Variants in UBE3A observed in about 807,000 individuals in gnomAD.
UBE3A encodes the protein ubiquitin-protein ligase E3A.
UBE3A carries 6 observed loss-of-function variants against 83.4 expected under a neutral mutation model. That is an observed-to-expected ratio of 0.07 (90% CI 0.04 to 0.14). The LOEUF (loss-of-function observed/expected upper bound fraction) is 0.14. Ranked by LOEUF, UBE3A falls within the 10% of genes least tolerant of loss-of-function variation. The probability of loss-of-function intolerance (pLI) is 1.00; values close to 1 mark genes in which losing one functional copy is unlikely to be tolerated. For synonymous variants in UBE3A, 337 were observed against 355.4 expected, an observed-to-expected ratio of 0.95 and a Z score of 0.58; for missense variants, 456 against 1,036.1, an observed-to-expected ratio of 0.44 and a Z score of 7.69.
In UBE3A at chr15:25,418,183, G is replaced by A. The variant is rs543108961; in HGVS notation, c.-164-6212C>T. ...AAAATATGGTGGTATAATCTTAAAT[G>A]ACTATTGTCAACTATGATCTCGTTG... On this transcript the variant is annotated intron_variant, in intron 1 of 12. Coordinates refer to ENST00000648336, the MANE Select transcript of UBE3A (RefSeq NM_130839.5). The A allele has an allele frequency of 5.3e-5, 8 of 152,250 alleles. No individual in the cohort carries two copies. The South Asian group carries it at 1.7e-3, about 32-fold the overall frequency. The allele number at this position is 152,250 out of a possible 1,614,324, so 9.4% of individuals were successfully genotyped here.
At chr15:25,403,748 T>C (rs942620956) in intron 4 of UBE3A, among the ~76,000 whole-genome samples, 2 of 152,114 alleles carry the variant, frequency 1.3e-5, no homozygotes, top group East Asian at 3.8e-4. Context: ...GGTATATACA[T>C]ACAATAAAAC....
chr15:25,419,638 C>T (rs1429610425), intron 1 of UBE3A, among the ~76,000 whole-genome samples: 1 of 151,946 alleles, frequency 6.6e-6, no homozygotes, highest in East Asian at 1.9e-4. Flanking sequence ...GAATGTTATT[C>T]TTAGTTTTTA....
chr15:25,431,715 A>G lies in UBE3A; in HGVS notation c.-165+6774T>C, dbSNP rs12439344. ...CAGAAAACTAGGAAAGAAAAATGTT[A>G]CCCAATTAATCTTTGTGTGAAACAG... On this transcript the variant is annotated intron_variant, in intron 1 of 12. Coordinates refer to ENST00000648336, the MANE Select transcript of UBE3A (RefSeq NM_130839.5). 9.1e-3 allele frequency among the ~76,000 whole-genome samples: 1,389 copies of G among 152,308 alleles called. 32 individuals carry two copies. Among genetic ancestry groups the G allele is most frequent in the Admixed American group, 0.041 (623 of 15,278 alleles).
At chr15:25,367,176 T>TTTGTAAATATGTAAATATTTACATAC in intron 6 of UBE3A, among the ~76,000 whole-genome samples, 1 of 95,394 alleles carries the variant, frequency 1.0e-5, no homozygotes, top group Admixed American at 8.7e-5. Flanking sequence ...TATTTACATA[T>TTTGTAAATATGTAAATATTTACATAC]TTGTAAATAT....
At chr15:25,373,989 AAC>A (rs2152837723) in intron 5 of UBE3A, 1 of 152,344 alleles carries the variant, frequency 6.6e-6, no homozygotes, top group South Asian at 2.1e-4. Context: ...CCTACGCAAA[AAC>A]AGTTTGGTGC....
At chr15:25,417,338 TACAAA>T (rs1887409697) in intron 1 of UBE3A, among the ~76,000 whole-genome samples, 4 of 152,152 alleles carry the variant, frequency 2.6e-5, no homozygotes, top group South Asian at 4.1e-4. Context: ...TTTAGGTGGC[TACAAA>T]ACAAAACACT....
intron 4 of UBE3A, among the ~76,000 whole-genome samples, chr15:25,402,245 G>A (rs1171739675): frequency 6.6e-6 from 1 of 152,276 alleles, no homozygotes; most frequent in South Asian, 2.1e-4. Context: ...TGAGTCTACC[G>A]GGGCTGGCCT....
intron 1 of UBE3A, among the ~76,000 whole-genome samples, chr15:25,414,097 C>G (rs1483009678): frequency 6.6e-6 from 1 of 152,120 alleles, no homozygotes; most frequent in African/African-American, 2.4e-5. Flanking sequence ...TACATATTAC[C>G]AACGGTACAC....
rs1357186403 is a variant in UBE3A at position 25,347,844 on chromosome 15, T to C, written c.2354+6509A>G. Among the ~76,000 whole-genome samples, 9 of 151,660 alleles carry C rather than the reference T, an allele frequency of 5.9e-5. No homozygotes were observed. In the Middle Eastern group the frequency reaches 0.01, roughly 172 times the overall value. ...GAAGACAGAAACAGAAAACAAATAA[T>C]AAAATGGCAGACCTCTCCCTAACAT... On this transcript the variant is annotated intron_variant, in intron 11 of 12. Coordinates refer to ENST00000648336, the MANE Select transcript of UBE3A (RefSeq NM_130839.5).
intron 4 of UBE3A, among the ~76,000 whole-genome samples, chr15:25,399,880 C>CT (rs2086664068): frequency 6.6e-6 from 1 of 152,040 alleles, no homozygotes; most frequent in African/African-American, 2.4e-5. Flanking sequence ...CCTGGCCTGT[C>CT]TACTTCTATG....
chr15:25,377,557 A>G (rs1021954651), intron 4 of UBE3A, among the ~76,000 whole-genome samples: 2 of 152,180 alleles, frequency 1.3e-5, no homozygotes, highest in East Asian at 1.9e-4. Flanking sequence ...ATATATTGCT[A>G]CCCTTCAGTA....
At chr15:25,377,402 G>T (rs1281806336) in intron 4 of UBE3A, among the ~76,000 whole-genome samples, 1 of 152,102 alleles carries the variant, frequency 6.6e-6, no homozygotes, top group Non-Finnish European at 1.5e-5. Flanking sequence ...GCATAAACAT[G>T]ACTTAAAGAC....
intron 1 of UBE3A, chr15:25,420,836 TCAAA>T (rs879828237): frequency 2.0e-5 from 3 of 152,264 alleles, no homozygotes; most frequent in Admixed American, 6.5e-5. Context: ...AAGAAGGGAC[TCAAA>T]CAGATACTTA....
intron 1 of UBE3A, among the ~76,000 whole-genome samples, chr15:25,421,203 T>C (rs1027846933): frequency 6.6e-6 from 1 of 152,130 alleles, no homozygotes; most frequent in Non-Finnish European, 1.5e-5. Flanking sequence ...GGTGTGCCAC[T>C]TCCCCACCCT....
chr15:25,417,432 A>T (rs1199406034), intron 1 of UBE3A, among the ~76,000 whole-genome samples: 1 of 152,154 alleles, frequency 6.6e-6, no homozygotes, highest in Non-Finnish European at 1.5e-5. Context: ...ATCATTAAAT[A>T]TGTAAAAAAC....
intron 6 of UBE3A, among the ~76,000 whole-genome samples, chr15:25,366,955 A>T (rs1005481258): frequency 1.3e-4 from 20 of 151,544 alleles, no homozygotes; most frequent in Non-Finnish European, 2.5e-4. Flanking sequence ...TTATTTATTT[A>T]TTTATTTTTT....
At chr15:25,421,165 G>A (rs890482893) in intron 1 of UBE3A, among the ~76,000 whole-genome samples, 3 of 152,150 alleles carry the variant, frequency 2.0e-5, no homozygotes, top group Admixed American at 1.3e-4. Flanking sequence ...GATACAGAGT[G>A]AGTTCGCAGA....
At chr15:25,438,463 C>G (rs1403945157) in intron 1 of UBE3A, 26 bp downstream of exon 1, 2 of 152,346 alleles carry the variant, frequency 1.3e-5, no homozygotes, top group East Asian at 1.9e-4. Flanking sequence ...CCAGCGCCGC[C>G]TGGCGCAGGC....
intron 11 of UBE3A, among the ~76,000 whole-genome samples, chr15:25,352,887 T>G (rs1359680439): frequency 2.6e-5 from 4 of 152,220 alleles, no homozygotes; most frequent in Non-Finnish European, 4.4e-5. Flanking sequence ...CTTCAAATCA[T>G]ACATTTAAAA....
Sources: allele counts gnomAD v4.1 joint callset (sites outside exome capture counted in the v4.1 genomes callset), GRCh38; gene constraint gnomAD v4.1.1; transcripts MANE v1.5; gene names NCBI Gene and HGNC (gene_info 2026-07-23, HGNC 2026-07-21).